Variants in KCNQ3 observed in about 807,000 individuals in gnomAD.
KCNQ3 encodes potassium voltage-gated channel subfamily KQT member 3.
Under a neutral mutation model 92.5 loss-of-function variants are expected in KCNQ3, and 30 were observed. The ratio of observed to expected loss-of-function variants is 0.32; its 90% CI spans 0.24 to 0.44. KCNQ3 has a LOEUF of 0.44. Among genes scored for constraint, KCNQ3 ranks in the 20% least tolerant of loss-of-function variants. The pLI, the probability that KCNQ3 is intolerant of heterozygous loss-of-function variation, is 1.00. For missense variants in KCNQ3, 913 were observed against 1,140.3 expected, an observed-to-expected ratio of 0.80 and a Z score of 2.87; for synonymous variants, 450 against 468.8, an observed-to-expected ratio of 0.96 and a Z score of 0.52.
intron 1 of KCNQ3, among the ~76,000 whole-genome samples, chr8:132,346,527 C>T (rs1050283976): frequency 6.6e-6 from 1 of 152,212 alleles, no homozygotes; most frequent in Non-Finnish European, 1.5e-5. Flanking sequence ...CTCTCCACCA[C>T]TCTCCATCAC....
intron 1 of KCNQ3, among the ~76,000 whole-genome samples, chr8:132,474,101 C>T (rs1822352822): frequency 6.6e-6 from 1 of 152,148 alleles, no homozygotes; most frequent in Non-Finnish European, 1.5e-5. Context: ...AGATGAATGC[C>T]AAGATGAAGC....
intron 1 of KCNQ3, among the ~76,000 whole-genome samples, chr8:132,189,460 CTTTA>C (rs1827090565): frequency 6.6e-6 from 1 of 152,218 alleles, no homozygotes; most frequent in South Asian, 2.1e-4. Context: ...CTGGAGAATA[CTTTA>C]TTGATCCGAT....
intron 1 of KCNQ3, among the ~76,000 whole-genome samples, chr8:132,239,878 G>A (rs1428958735): frequency 2.0e-5 from 3 of 152,152 alleles, no homozygotes; most frequent in Admixed American, 1.3e-4. Context: ...TTAAAGGTCC[G>A]ATGACAACCT....
chr8:132,129,555 G>A lies in KCNQ3; in HGVS notation c.2326C>T (p.Pro776Ser). ...LQGPYSDRIS[P>S]RQRRSITRDS... ...CGCGTGATGCTACGTCTCTGCCGGG[G>A]GGAGATTCGGTCCGAGTAGGGGCCC... Residue 776 changes from proline (P) to serine (S), a missense_variant, in exon 15 of 15, where the codon CCC becomes TCC. Pro to Ser is a moderately conservative substitution (Grantham distance 74, BLOSUM62 -1). This residue lies in a region of KCNQ3 where 375 missense variants were observed against 376.4 expected (regional missense o/e 1.00). Transcript: ENST00000388996. This position sits in a 1 kb window ranked among gnomAD's most constrained non-coding sequence, Gnocchi z 5.9. 6.2e-7 allele frequency: 1 copy of A among 1,614,216 alleles called. No homozygotes were observed. The highest frequency in any genetic ancestry group is 1.1e-5 in the South Asian group (1 of 91,082).
At chr8:132,195,877 G>C (rs1005611864) in intron 1 of KCNQ3, among the ~76,000 whole-genome samples, 1 of 152,110 alleles carries the variant, frequency 6.6e-6, no homozygotes, top group African/African-American at 2.4e-5. Context: ...AGTAATATTA[G>C]ACTTTAAAAT....
At chr8:132,404,466 G>T (rs1253799750) in intron 1 of KCNQ3, among the ~76,000 whole-genome samples, 1 of 152,176 alleles carries the variant, frequency 6.6e-6, no homozygotes, top group African/African-American at 2.4e-5. Context: ...ATCAGGGTGG[G>T]TCTAATTCAA....
intron 8 of KCNQ3, among the ~76,000 whole-genome samples, chr8:132,169,879 A>T (rs984061485): frequency 6.6e-6 from 1 of 151,398 alleles, no homozygotes; most frequent in Non-Finnish European, 1.5e-5. Flanking sequence ...TTTATTTTTA[A>T]TTTTTTGAGA....
At chr8:132,304,561 A>G (rs947965162) in intron 1 of KCNQ3, among the ~76,000 whole-genome samples, 2 of 152,208 alleles carry the variant, frequency 1.3e-5, no homozygotes, top group African/African-American at 4.8e-5. Context: ...CTACTTAAGT[A>G]TAAATTAATT....
At chr8:132,347,962 G>A (rs1265720199) in intron 1 of KCNQ3, among the ~76,000 whole-genome samples, 2 of 133,594 alleles carry the variant, frequency 1.5e-5, no homozygotes, top group African/African-American at 5.8e-5. Context: ...GGGCGACAGA[G>A]CGAGAGACTC....
intron 1 of KCNQ3, among the ~76,000 whole-genome samples, chr8:132,423,065 C>CA (rs1325481289): frequency 6.6e-6 from 1 of 152,150 alleles, no homozygotes; most frequent in Non-Finnish European, 1.5e-5. Flanking sequence ...ATCCCCTCTC[C>CA]AGGGAGAAGC....
At chr8:132,138,495 T>A (rs1442792266) in intron 11 of KCNQ3, among the ~76,000 whole-genome samples, 4 of 152,240 alleles carry the variant, frequency 2.6e-5, no homozygotes, top group Admixed American at 1.3e-4. Flanking sequence ...AGCTGATATA[T>A]CTCATCCTCA....
intron 1 of KCNQ3, among the ~76,000 whole-genome samples, chr8:132,253,107 A>G (rs1304063184): frequency 6.6e-6 from 1 of 152,166 alleles, no homozygotes; most frequent in Non-Finnish European, 1.5e-5. Flanking sequence ...CTACCTATCC[A>G]TTCAAACTTG....
intron 10 of KCNQ3, 115 bp from the exon 11 acceptor site, chr8:132,140,293 T>A (rs111968167): frequency 2.7e-5 from 19 of 692,620 alleles, no homozygotes; most frequent in Non-Finnish European, 4.6e-5. Flanking sequence ...CCAGAGTCTT[T>A]ATTTCCACGT....
At chr8:132,147,329 C>T (rs894409651) in intron 9 of KCNQ3, among the ~76,000 whole-genome samples, 1 of 102,112 alleles carries the variant, frequency 9.8e-6, no homozygotes, top group Non-Finnish European at 2.2e-5. Context: ...CATAGGTACC[C>T]GTATTATAAC....
At chr8:132,373,968 G>A (rs1322784188) in intron 1 of KCNQ3, among the ~76,000 whole-genome samples, 1 of 152,076 alleles carries the variant, frequency 6.6e-6, no homozygotes, top group East Asian at 1.9e-4. Context: ...CAGCGTCTGA[G>A]TCTACCCCCA....
At chr8:132,245,689 T>G (rs1815150750) in intron 1 of KCNQ3, among the ~76,000 whole-genome samples, 1 of 152,164 alleles carries the variant, frequency 6.6e-6, no homozygotes, top group African/African-American at 2.4e-5. Flanking sequence ...ACGTATCATT[T>G]TCCCATTCCG....
intron 1 of KCNQ3, among the ~76,000 whole-genome samples, chr8:132,317,142 G>A (rs1234530371): frequency 6.6e-6 from 1 of 152,176 alleles, no homozygotes; most frequent in East Asian, 1.9e-4. Context: ...AATGGTTTAT[G>A]TGGAGCACCC....
chr8:132,172,797 A>G, intron 6 of KCNQ3, 104 bp from the exon 7 acceptor site: 1 of 801,388 alleles, frequency 1.2e-6, no homozygotes, highest in East Asian at 2.5e-5. Flanking sequence ...TTGCACTTCA[A>G]GTCCTTGCAG....
At chr8:132,274,294 T>C (rs1816255256) in intron 1 of KCNQ3, among the ~76,000 whole-genome samples, 1 of 152,170 alleles carries the variant, frequency 6.6e-6, no homozygotes, top group Non-Finnish European at 1.5e-5. Context: ...AGCTTATGCA[T>C]AGGAACTCCT....
Sources: gnomAD v4.1 joint callset for allele counts (sites outside exome capture counted in the v4.1 genomes callset) on GRCh38, gnomAD v4.1.1 for gene constraint, gnomAD v4.1.1 regional missense constraint, Gnocchi (gnomAD v3.1) non-coding constraint, MANE v1.5 for transcripts, NCBI Gene and HGNC (gene_info 2026-07-23, HGNC 2026-07-21) for gene names.